The following LDB2 variants were observed in gnomAD, a reference collection of about 807,000 sequenced individuals.
LDB2 encodes LIM domain binding 2.
A neutral mutation model predicts 44.3 loss-of-function variants in LDB2; 12 were observed. The observed-to-expected ratio is 0.27, with a 90% CI of 0.17 to 0.44. The LOEUF is 0.44. Ranked by LOEUF, LDB2 falls within the 20% of genes least tolerant of loss-of-function variation. LDB2 has a pLI of 1.00. For missense variants in LDB2, 344 were observed against 473.5 expected, an observed-to-expected ratio of 0.73 and a Z score of 2.54; for synonymous variants, 164 against 174.8, an observed-to-expected ratio of 0.94 and a Z score of 0.49.
chr4:16,627,188 T>A (rs1228867375), intron 2 of LDB2, among the ~76,000 whole-genome samples: 6 of 152,142 alleles, frequency 3.9e-5, no homozygotes, highest in Non-Finnish European at 7.3e-5. Flanking sequence ...TTCAGTGTCA[T>A]CCCCACCCCA....
intron 3 of LDB2, among the ~76,000 whole-genome samples, chr4:16,592,431 G>T (rs1470553675): frequency 7.0e-6 from 1 of 142,742 alleles, no homozygotes; most frequent in East Asian, 2.1e-4. Flanking sequence ...TAGTGGTACT[G>T]CATATGTAAA....
At chr4:16,503,939 A>G (rs560091888) in intron 7 of LDB2, among the ~76,000 whole-genome samples, 5 of 152,240 alleles carry the variant, frequency 3.3e-5, no homozygotes, top group African/African-American at 1.2e-4. Flanking sequence ...AGGGGACCAT[A>G]TGGGGTTGAT....
At chr4:16,824,502 C>T (rs963367819) in intron 1 of LDB2, among the ~76,000 whole-genome samples, 1 of 152,246 alleles carries the variant, frequency 6.6e-6, no homozygotes, top group Admixed American at 6.5e-5. Flanking sequence ...CCTGTCCAAA[C>T]ATTGTCTCAT....
At position 16,595,723 on chromosome 4, in the gene LDB2, C is replaced by T. The variant is rs751398287; in HGVS notation, c.388G>A (p.Gly130Arg). The T allele has an allele frequency of 6.8e-6, 11 of 1,613,240 alleles. No homozygotes were observed. The highest frequency in any genetic ancestry group is 9.3e-6 in the Non-Finnish European group (11 of 1,179,684). ...CDQCTMVTQH[G>R]KPMFTKVCTE... ...TGTACCTTGGTAAACATGGGCTTCC[C>T]GTGCTGGGTGACCATGGTACACTGG... is the stretch of plus-strand genomic sequence containing the variant. Residue 130 changes from glycine (G) to arginine (R), a missense_variant, in exon 3 of 8, where the codon GGG becomes AGG. This residue lies in a region of LDB2 where 226 missense variants were observed against 270.1 expected (regional missense o/e 0.84). Transcript: ENST00000304523.
chr4:16,534,738 GGA>G (rs1431515508), intron 5 of LDB2, among the ~76,000 whole-genome samples: 1 of 152,146 alleles, frequency 6.6e-6, no homozygotes, highest in Non-Finnish European at 1.5e-5. Flanking sequence ...AGAAAGAAGA[GGA>G]TATCCGACTC....
intron 2 of LDB2, among the ~76,000 whole-genome samples, chr4:16,716,380 G>A (rs1757079674): frequency 6.6e-6 from 1 of 152,172 alleles, no homozygotes; most frequent in African/African-American, 2.4e-5. Context: ...GGGATGAAGT[G>A]GAGAATTTGT....
At position 16,691,323 on chromosome 4, in the gene LDB2, C is replaced by T. The variant is rs956714569; in HGVS notation, c.235+67835G>A. Among the ~76,000 whole-genome samples the T allele has an allele frequency of 7.9e-5, 12 of 151,908 alleles. No homozygotes were observed. In the South Asian group the frequency reaches 1.0e-3, roughly 13 times the overall value. ...AGCTTACCATGTTCATGGAACTGTA[C>T]GAGCCACTGAAGTTACAGGAATAAC... On this transcript the variant is annotated intron_variant, in intron 2 of 7. Transcript: ENST00000304523.
At chr4:16,548,722 C>T (rs753598772) in intron 5 of LDB2, among the ~76,000 whole-genome samples, 5 of 152,184 alleles carry the variant, frequency 3.3e-5, no homozygotes, top group African/African-American at 4.8e-5. Context: ...CTAAAGTTCT[C>T]CATTTTAACA....
At chr4:16,802,109 A>G (rs934679200) in intron 1 of LDB2, among the ~76,000 whole-genome samples, 9 of 151,766 alleles carry the variant, frequency 5.9e-5, no homozygotes, top group South Asian at 2.1e-4. Context: ...TCCAAGTGTC[A>G]GTAAGCATTA....
At chr4:16,521,892 G>A (rs541206030) in intron 5 of LDB2, among the ~76,000 whole-genome samples, 1 of 152,250 alleles carries the variant, frequency 6.6e-6, no homozygotes, top group Non-Finnish European at 1.5e-5. Flanking sequence ...TAAGAAATTA[G>A]ACAATATGTG....
intron 1 of LDB2, among the ~76,000 whole-genome samples, chr4:16,872,306 C>A (rs966803687): frequency 6.6e-6 from 1 of 151,800 alleles, no homozygotes; most frequent in African/African-American, 2.4e-5. Flanking sequence ...TATTTTTATT[C>A]TTTTATCTTT....
chr4:16,682,141 G>T (rs954769150), intron 2 of LDB2, among the ~76,000 whole-genome samples: 1 of 152,104 alleles, frequency 6.6e-6, no homozygotes, highest in Non-Finnish European at 1.5e-5. Flanking sequence ...ATAGTTGATG[G>T]ATTTGAGTCT....
chr4:16,827,446 C>T (rs1158327351), intron 1 of LDB2, among the ~76,000 whole-genome samples: 1 of 149,456 alleles, frequency 6.7e-6, no homozygotes, highest in Non-Finnish European at 1.5e-5. Context: ...AGCTAAAAAA[C>T]CAAACCAAAA....
intron 2 of LDB2, among the ~76,000 whole-genome samples, chr4:16,668,010 T>A (rs1426351166): frequency 6.6e-6 from 1 of 152,022 alleles, no homozygotes; most frequent in African/African-American, 2.4e-5. Flanking sequence ...TCCAATAGAG[T>A]TCATGAATCC....
At chr4:16,608,186 T>C (rs1185670321) in intron 2 of LDB2, among the ~76,000 whole-genome samples, 1 of 89,742 alleles carries the variant, frequency 1.1e-5, no homozygotes, top group Non-Finnish European at 2.0e-5. Context: ...TCCGACTCCA[T>C]ACAGAAAATC....
intron 2 of LDB2, among the ~76,000 whole-genome samples, chr4:16,743,337 T>C (rs952283699): frequency 1.3e-5 from 2 of 152,090 alleles, no homozygotes; most frequent in Non-Finnish European, 2.9e-5. Context: ...TAATTATGTA[T>C]CTGCCTCATG....
intron 2 of LDB2, among the ~76,000 whole-genome samples, chr4:16,718,440 T>A (rs1233734688): frequency 6.6e-6 from 1 of 152,192 alleles, no homozygotes; most frequent in Non-Finnish European, 1.5e-5. Context: ...GAGTTTTTCA[T>A]GGCTTTAAAA....
At chr4:16,699,047 A>G (rs1752838344) in intron 2 of LDB2, among the ~76,000 whole-genome samples, 5 of 152,186 alleles carry the variant, frequency 3.3e-5, no homozygotes, top group Admixed American at 3.3e-4. Flanking sequence ...AGCTCTTTAT[A>G]TTGTTACACA....
chr4:16,563,198 C>T (rs972410378), intron 5 of LDB2, among the ~76,000 whole-genome samples: 1 of 150,856 alleles, frequency 6.6e-6, no homozygotes, highest in African/African-American at 2.4e-5. Context: ...CACATGTACC[C>T]TAAAACTTAA....
Sources: allele counts gnomAD v4.1 joint callset (sites outside exome capture counted in the v4.1 genomes callset), GRCh38; gene constraint gnomAD v4.1.1; regional missense constraint gnomAD v4.1.1; transcripts MANE v1.5; gene names NCBI Gene and HGNC (gene_info 2026-07-23, HGNC 2026-07-21).